Variants in AR observed in about 807,000 individuals in gnomAD.
AR encodes dihydrotestosterone receptor.
AR carries 8 observed loss-of-function variants against 53.9 expected under a neutral mutation model. The observed-to-expected ratio is 0.15, with a 90% CI of 0.09 to 0.27. AR has a LOEUF of 0.27. Among genes scored for constraint, AR ranks in the 10% least tolerant of loss-of-function variants. The pLI is 1.00. For missense variants in AR, 639 were observed against 742.5 expected (o/e 0.86, Z 1.62); for synonymous variants, 359 against 316.4 (o/e 1.13, Z -1.43).
intron 2 of AR, among the ~76,000 whole-genome samples, chrX:67,650,587 CAAT>C (rs1263092280): frequency 8.9e-6 from 1 of 112,489 alleles, no homozygotes; most frequent in Non-Finnish European, 1.9e-5. Flanking sequence ...TGTAAAACAA[CAAT>C]ATCTTCAGTT....
chrX:67,671,065 G>A (rs1178348674), intron 2 of AR, among the ~76,000 whole-genome samples: 13 of 111,864 alleles, frequency 1.2e-4, no homozygotes, highest in African/African-American at 3.2e-4. Context: ...ATAAACATAC[G>A]TGTGCATTTG....
At chrX:67,623,243 A>G (rs1005903446) in intron 1 of AR, among the ~76,000 whole-genome samples, 4 of 110,811 alleles carry the variant, frequency 3.6e-5, no homozygotes, top group Non-Finnish European at 7.5e-5. Flanking sequence ...TAACTTTTCC[A>G]GAACTCTGGA....
At chrX:67,628,947 T>C (rs1924880036) in intron 1 of AR, among the ~76,000 whole-genome samples, 1 of 111,643 alleles carries the variant, frequency 9.0e-6, no homozygotes, top group South Asian at 3.8e-4. Flanking sequence ...ATTTATTGAT[T>C]TGCGTATATT....
At chrX:67,662,812 AT>A (rs1476858617) in intron 2 of AR, among the ~76,000 whole-genome samples, 1 of 110,932 alleles carries the variant, frequency 9.0e-6, no homozygotes, top group East Asian at 2.8e-4. Flanking sequence ...GTGCTCCTGT[AT>A]TGGTTGCATA....
At position 67,704,008 on chromosome X, in the gene AR, G is replaced by T. The variant is rs1260090682; in HGVS notation, c.1886-7394G>T. 4.5e-5 allele frequency among the ~76,000 whole-genome samples: 5 copies of T among 111,980 alleles called. No individual in the cohort carries two copies. The East Asian group carries it at 1.4e-3, about 31-fold the overall frequency. ...TTTTATGGCTGCATAGTATTCCATGGTGTATATATGCCACATTTTCTTAAT... is the reference window on the plus strand; with the variant it reads ...TTTTATGGCTGCATAGTATTCCATGTTGTATATATGCCACATTTTCTTAAT... On this transcript the variant is annotated intron_variant, in intron 3 of 7. Coordinates refer to ENST00000374690, the MANE Select transcript of AR (RefSeq NM_000044.6).
chrX:67,593,899 A>G (rs1922958162), intron 1 of AR, among the ~76,000 whole-genome samples: 1 of 112,184 alleles, frequency 8.9e-6, no homozygotes, highest in Non-Finnish European at 1.9e-5. Flanking sequence ...TAATTTTTTC[A>G]GATTAATTTT....
Position 67,724,649 on chromosome X carries a change from T to C in AR, c.*808T>C. On this transcript the variant is annotated 3_prime_UTR_variant, in exon 8 of 8. Coordinates refer to ENST00000374690, the MANE Select transcript of AR (RefSeq NM_000044.6). ...GTCCCTGGGGGCTAGACTGCTCAAC[T>C]GTGGAGCAATTCATTATACTGAAAA... 5.7e-6 allele frequency: 1 copy of C among 175,821 alleles called. No individual in the cohort carries two copies. Among genetic ancestry groups the C allele is most frequent in the African/African-American group, 2.9e-5 (1 of 34,412 alleles). 14.5% of individuals were successfully genotyped at this position (175,821 alleles called of 1,213,427 possible).
chrX:67,562,591 CA>C (rs1227358458), intron 1 of AR, among the ~76,000 whole-genome samples: 4 of 111,505 alleles, frequency 3.6e-5, no homozygotes, highest in Non-Finnish European at 7.5e-5. Context: ...CCGCTTTATT[CA>C]TTTAAGTTAC....
intron 1 of AR, among the ~76,000 whole-genome samples, chrX:67,614,435 T>A (rs886126208): frequency 6.3e-5 from 7 of 111,008 alleles, no homozygotes; most frequent in Non-Finnish European, 1.3e-4. Context: ...AAACCCAGAG[T>A]TGACCAATGG....
At chrX:67,722,585 G>T (rs1334261208) in intron 6 of AR, among the ~76,000 whole-genome samples, 8 of 111,725 alleles carry the variant, frequency 7.2e-5, no homozygotes, top group Admixed American at 1.9e-4. Context: ...AGTAGAAAAA[G>T]AAAAGGTTCA....
At chrX:67,636,980 A>G (rs777829479) in intron 1 of AR, among the ~76,000 whole-genome samples, 105 of 112,006 alleles carry the variant, frequency 9.4e-4, no homozygotes, top group Non-Finnish European at 1.7e-3. Context: ...CCTAACAAAC[A>G]AAACTCTAAT....
chrX:67,567,965 G>T (rs998221306), intron 1 of AR, among the ~76,000 whole-genome samples: 2 of 111,199 alleles, frequency 1.8e-5, no homozygotes, highest in African/African-American at 6.6e-5. Flanking sequence ...AGCAATTGTA[G>T]TAACGGGGCT....
At chrX:67,720,357 A>G (rs753279254) in intron 5 of AR, among the ~76,000 whole-genome samples, 1 of 95,451 alleles carries the variant, frequency 1.0e-5, no homozygotes, top group Non-Finnish European at 2.1e-5. Flanking sequence ...TCTTTCCTCC[A>G]TTCCCCACTT....
At chrX:67,616,977 A>G (rs746610920) in intron 1 of AR, among the ~76,000 whole-genome samples, 30 of 111,711 alleles carry the variant, frequency 2.7e-4, no homozygotes, top group African/African-American at 9.4e-4. Context: ...AATAAGTGCA[A>G]GTCAGTCATT....
intron 2 of AR, among the ~76,000 whole-genome samples, chrX:67,682,660 A>G (rs1172511664): frequency 1.8e-5 from 2 of 111,500 alleles, no homozygotes; most frequent in East Asian, 2.8e-4. Flanking sequence ...AAGAACTCTG[A>G]TAGCCTCATC....
intron 1 of AR, among the ~76,000 whole-genome samples, chrX:67,630,245 G>A (rs1221323214): frequency 4.5e-5 from 5 of 111,004 alleles, no homozygotes; most frequent in African/African-American, 1.3e-4. Flanking sequence ...GGGTGTTAAA[G>A]TCTCCCATTA....
intron 4 of AR, among the ~76,000 whole-genome samples, chrX:67,713,263 C>T (rs910219224): frequency 1.8e-5 from 2 of 110,601 alleles, no homozygotes; most frequent in Non-Finnish European, 3.8e-5. Flanking sequence ...TCTCTTATAC[C>T]TTCTCAGCTT....
At chrX:67,676,368 A>T (rs1023317093) in intron 2 of AR, among the ~76,000 whole-genome samples, 2 of 112,294 alleles carry the variant, frequency 1.8e-5, no homozygotes, top group Non-Finnish European at 3.8e-5. Context: ...TTTGTTTATC[A>T]CCACAAAAAA....
intron 1 of AR, among the ~76,000 whole-genome samples, chrX:67,612,622 C>A (rs1490633337): frequency 8.9e-6 from 1 of 112,216 alleles, no homozygotes; most frequent in Non-Finnish European, 1.9e-5. Flanking sequence ...GGCATGACTT[C>A]TGGAATGGCA....
Sources: allele counts gnomAD v4.1 joint callset (sites outside exome capture counted in the v4.1 genomes callset), GRCh38; gene constraint gnomAD v4.1.1; transcripts MANE v1.5; gene names NCBI Gene and HGNC (gene_info 2026-07-23, HGNC 2026-07-21).